MRC1: variants seen among roughly 807,000 people sequenced by gnomAD.
MRC1 encodes the protein mannose receptor C-type 1.
A neutral mutation model predicts 102.9 loss-of-function variants in MRC1; 62 were observed. That is an observed-to-expected ratio of 0.60 (90% confidence interval 0.49 to 0.74). MRC1 has a LOEUF of 0.74. Ranked by LOEUF, MRC1 falls within the 30% of genes least tolerant of loss-of-function variation. MRC1 has a pLI of 0.00. For missense variants in MRC1, 1,237 were observed against 862.8 expected (o/e 1.43, Z -5.43); for synonymous variants, 457 against 298.4 (o/e 1.53, Z -5.48).
rs1838616833 is a variant in MRC1, at chr10:17,833,675, T to C, written c.638T>C (p.Phe213Ser). ...DKLFGYCPLK[F>S]EGSESLWNKD... ...AAATTCCATCTGATTTCTTTCACAGTTGAGGGCAGTGAAAGCTTATGGAAT... is the reference window on the plus strand; with the variant it reads ...AAATTCCATCTGATTTCTTTCACAGCTGAGGGCAGTGAAAGCTTATGGAAT... The change falls in exon 4 of 30, where the codon TTT (phenylalanine) becomes TCT (serine). Residue 213 changes from phenylalanine (F) to serine (S), a missense_variant and splice_region_variant. Transcript: ENST00000569591. 2.6e-6 allele frequency: 2 copies of C among 781,058 alleles called. No individual in the cohort carries two copies. The highest frequency in any genetic ancestry group is 4.8e-5 in the East Asian group (2 of 41,254). The allele number at this position is 781,058 out of a possible 1,614,324, so 48.4% of individuals were successfully genotyped here.
intron 6 of MRC1, among the ~76,000 whole-genome samples, chr10:17,845,966 A>G (rs1589175134): frequency 6.6e-6 from 1 of 152,176 alleles, no homozygotes; most frequent in South Asian, 2.1e-4. Context: ...CTGGAGTACA[A>G]TGGCGCGATC....
chr10:17,837,505 G>A (rs1838685862), intron 4 of MRC1, among the ~76,000 whole-genome samples: 1 of 152,034 alleles, frequency 6.6e-6, no homozygotes, highest in Non-Finnish European at 1.5e-5. Context: ...CTCTATTTTG[G>A]AAAATATGCC....
intron 23 of MRC1, 94 bp downstream of exon 23, chr10:17,894,406 T>TCTTTTTTTTTTTTC: frequency 1.5e-6 from 1 of 688,884 alleles, no homozygotes; most frequent in Non-Finnish European, 2.5e-6. Context: ...TTTTTTTTTT[T>TCTTTTTTTTTTTTC]TTTTTTTTTT....
chr10:17,823,215 G>A lies in MRC1; in HGVS notation c.203G>A (p.Ser68Asn). The change falls in exon 2 of 30, where the codon AGT (serine) becomes AAT (asparagine). Residue 68 changes from serine (S) to asparagine (N), a missense_variant. Coordinates refer to ENST00000569591, the MANE Select transcript of MRC1 (RefSeq NM_002438.4). ...TGGGTGTCCGAATCTCAGATTATGA[G>A]TGTTGCATTTAAATTATGCCTGGGA... ...FRWVSESQIMSVAFKLCLGVP... is the reference protein window; with the variant it reads ...FRWVSESQIMNVAFKLCLGVP... 2.6e-6 allele frequency: 2 copies of A among 780,850 alleles called. No homozygotes were observed. Among genetic ancestry groups the A allele is most frequent in the Non-Finnish European group, 4.8e-6 (2 of 417,968 alleles). 48.4% of individuals were successfully genotyped at this position (780,850 alleles called of 1,614,324 possible). A position where few individuals can be genotyped will look rare whatever the true frequency, so the allele number is the denominator to read the frequency against.
chr10:17,897,249 T>C (rs1031579252), intron 23 of MRC1, among the ~76,000 whole-genome samples: 7 of 152,192 alleles, frequency 4.6e-5, no homozygotes, highest in African/African-American at 1.7e-4. Flanking sequence ...CATCAGATAA[T>C]ACAGACAGAA....
intron 26 of MRC1, among the ~76,000 whole-genome samples, chr10:17,903,919 G>A (rs1473593753): frequency 6.6e-6 from 1 of 151,742 alleles, no homozygotes; most frequent in Non-Finnish European, 1.5e-5. Context: ...TCACGTCACT[G>A]CACTCCAGCC....
intron 22 of MRC1, among the ~76,000 whole-genome samples, chr10:17,889,096 T>C (rs1262386880): frequency 6.6e-6 from 1 of 152,234 alleles, no homozygotes; most frequent in Non-Finnish European, 1.5e-5. Flanking sequence ...TAGCTTTCTT[T>C]TGATTAGTGT....
rs1248691495 is a variant in MRC1 at position 17,910,271 on chromosome 10, A to G, written c.4177A>G (p.Ile1393Val). The G allele has an allele frequency of 2.6e-6, 2 of 780,762 alleles. No individual in the cohort carries two copies. Among genetic ancestry groups the G allele is most frequent in the African/African-American group, 1.7e-5 (1 of 59,140 alleles). 48.4% of individuals were successfully genotyped at this position (780,762 alleles called of 1,614,324 possible). The change falls in exon 30 of 30, where the codon ATC becomes GTC. Residue 1393 changes from isoleucine to valine, a missense_variant. Coordinates refer to ENST00000569591, the MANE Select transcript of MRC1 (RefSeq NM_002438.4). ...GTCTTCCAACGTGGCCGGAGTAGTC[A>G]TCATTGTGATCCTCCTGATTTTAAC... is the stretch of plus-strand genomic sequence containing the variant. ...KPSSNVAGVV[I>V]IVILLILTGA...
chr10:17,879,887 T>TAAA, intron 19 of MRC1, 66 bp downstream of exon 19: 1 of 780,340 alleles, frequency 1.3e-6, no homozygotes, highest in Admixed American at 1.7e-5. Context: ...ATCCCTAGAC[T>TAAA]AAAAGTAGCA....
chr10:17,809,616 A>G (rs2130562242), intron 1 of MRC1, 90 bp downstream of exon 1: 2 of 833,998 alleles, frequency 2.4e-6, no homozygotes, highest in African/African-American at 1.7e-5. Context: ...GTTCCTTTCA[A>G]CATCTTTGTG....
intron 8 of MRC1, among the ~76,000 whole-genome samples, chr10:17,855,291 G>A (rs1291548674): frequency 6.6e-6 from 1 of 152,162 alleles, no homozygotes; most frequent in Non-Finnish European, 1.5e-5. Context: ...GCTGCATGCG[G>A]CCGGGCCCAG....
At chr10:17,890,834 G>C (rs1833661674) in intron 22 of MRC1, among the ~76,000 whole-genome samples, 1 of 152,216 alleles carries the variant, frequency 6.6e-6, no homozygotes, top group East Asian at 1.9e-4. Context: ...ACAGCAGGAG[G>C]CGGGTGGCAG....
intron 26 of MRC1, among the ~76,000 whole-genome samples, chr10:17,903,382 C>CTTTTTTTTTTTTTTTTTTTTTTTT (rs1210207060): frequency 8.0e-6 from 1 of 125,052 alleles, no homozygotes; most frequent in Non-Finnish European, 1.7e-5. Flanking sequence ...TTTTTCTTTT[C>CTTTTTTTTTTTTTTTTTTTTTTTT]TTTTTTTTTC....
chr10:17,908,137 T>C (rs1554844006), intron 28 of MRC1, among the ~76,000 whole-genome samples: 3 of 152,196 alleles, frequency 2.0e-5, no homozygotes, highest in Non-Finnish European at 4.4e-5. Flanking sequence ...AGTGAGACCA[T>C]GAAAGGAACA....
chr10:17,830,498 T>C (rs1224991148), intron 3 of MRC1, among the ~76,000 whole-genome samples: 1 of 151,500 alleles, frequency 6.6e-6, no homozygotes, highest in Non-Finnish European at 1.5e-5. Flanking sequence ...GAACCAGTTA[T>C]TAACCTAGTA....
chr10:17,858,770 G>A (rs1833136349), intron 9 of MRC1, among the ~76,000 whole-genome samples: 1 of 152,042 alleles, frequency 6.6e-6, no homozygotes. Flanking sequence ...ACAGGCATGA[G>A]CCATTGTGCC....
intron 26 of MRC1, among the ~76,000 whole-genome samples, chr10:17,902,702 A>C (rs1270365377): frequency 2.0e-5 from 3 of 152,154 alleles, no homozygotes; most frequent in African/African-American, 7.2e-5. Context: ...TTCTCCATCC[A>C]ACAGTGGTAC....
At chr10:17,830,431 C>T (rs1354781297) in intron 3 of MRC1, among the ~76,000 whole-genome samples, 10 of 151,500 alleles carry the variant, frequency 6.6e-5, no homozygotes, top group South Asian at 4.1e-4. Context: ...CGTGCCCGGA[C>T]GAGCATTTTA....
intron 4 of MRC1, among the ~76,000 whole-genome samples, chr10:17,834,692 G>A (rs1838636118): frequency 6.6e-6 from 1 of 152,174 alleles, no homozygotes; most frequent in Non-Finnish European, 1.5e-5. Context: ...GGGATTACAG[G>A]CGTGAGCCAC....
Sources: allele counts gnomAD v4.1 joint callset (sites outside exome capture counted in the v4.1 genomes callset), GRCh38; gene constraint gnomAD v4.1.1; transcripts MANE v1.5; gene names NCBI Gene and HGNC (gene_info 2026-07-23, HGNC 2026-07-21).